Variants in ZCCHC14 observed in about 807,000 individuals in gnomAD.
ZCCHC14 encodes zinc finger CCHC-type containing 14.
ZCCHC14 carries 16 observed loss-of-function variants against 85.0 expected under a neutral mutation model. The observed-to-expected ratio is 0.19, with a 90% CI of 0.13 to 0.29. The LOEUF (loss-of-function observed/expected upper bound fraction) is 0.29, where lower values mean the gene tolerates loss of function less well. ZCCHC14 is among the 10% of genes least tolerant of loss of function. The pLI is 1.00. For missense variants in ZCCHC14, 1,303 were observed against 1,443.5 expected, an observed-to-expected ratio of 0.90 and a Z score of 1.58; for synonymous variants, 775 against 630.7, an observed-to-expected ratio of 1.23 and a Z score of -3.43.
chr16:87,423,614 G>A (rs1909217067), intron 4 of ZCCHC14, among the ~76,000 whole-genome samples, 196 bp downstream of exon 4: 1 of 152,212 alleles, frequency 6.6e-6, no homozygotes, highest in African/African-American at 2.4e-5. Flanking sequence ...CATCCGCGGG[G>A]TCACGGACCT....
In ZCCHC14 at chr16:87,458,783, A is replaced by T. The variant is rs1911105890; in HGVS notation, c.694+1225T>A. 3.3e-5 allele frequency among the ~76,000 whole-genome samples: 5 copies of T among 152,294 alleles called. No homozygotes were observed. In the South Asian group the frequency reaches 1.0e-3, roughly 32 times the overall value. ...TCACGTGGCGCACCTGCTAGGAGAC[A>T]AACATCTTTGTAAATAACACAGGGA... On this transcript the variant is annotated intron_variant, in intron 2 of 12. Transcript: ENST00000671377.
rs1320780525 is a variant in ZCCHC14, at chr16:87,492,816, G to C, written c.-578C>G. ...CGCGGCCGCGAAACGGACGCTGGAG[G>C]GGGAGGGACGCGCGGCGGGAGGCGC... is the stretch of plus-strand genomic sequence containing the variant. On this transcript the variant is annotated 5_prime_UTR_variant, in exon 1 of 13. Transcript: ENST00000671377. This position sits in a 1 kb window ranked among gnomAD's most constrained non-coding sequence, Gnocchi z 6.7. Among the ~76,000 whole-genome samples the C allele has an allele frequency of 2.0e-5, 3 of 147,664 alleles. No homozygotes were observed. The highest frequency in any genetic ancestry group is 6.7e-5 in the Admixed American group (1 of 14,890).
chr16:87,454,707 T>G (rs1380667650), intron 2 of ZCCHC14, among the ~76,000 whole-genome samples: 1 of 152,244 alleles, frequency 6.6e-6, no homozygotes, highest in Non-Finnish European at 1.5e-5. Context: ...GTAAATAGTA[T>G]GGATAATATA....
rs562380431 is a variant in ZCCHC14 at position 87,412,702 on chromosome 16, T to C, written c.2019A>G (p.Leu673=). The C allele has an allele frequency of 3.9e-5, 63 of 1,614,174 alleles. No individual in the cohort carries two copies. The South Asian group carries it at 4.9e-4, about 13-fold the overall frequency. ...LSSSVHSLLS[L]EERNKGSGPR... is the part of the protein sequence containing the mutation. Reference sequence around the variant, plus strand: ...GTCCAGATCCTTTATTCCTTTCTTCTAGAGACAAAAGTGAGTGCACAGAAG... The same window carrying C: ...GTCCAGATCCTTTATTCCTTTCTTCCAGAGACAAAAGTGAGTGCACAGAAG... Residue 673 remains leucine, a synonymous_variant, in exon 12 of 13, where the codon CTA becomes CTG. Coordinates refer to ENST00000671377, the MANE Select transcript of ZCCHC14 (RefSeq NM_015144.3).
chr16:87,488,080 A>C (rs188314816), intron 1 of ZCCHC14, among the ~76,000 whole-genome samples: 27 of 152,178 alleles, frequency 1.8e-4, no homozygotes, highest in African/African-American at 6.3e-4. Context: ...TATACTAAAA[A>C]CCACTGACTT....
chr16:87,460,672 A>G (rs1174304859), intron 1 of ZCCHC14, among the ~76,000 whole-genome samples: 1 of 152,196 alleles, frequency 6.6e-6, no homozygotes, highest in Non-Finnish European at 1.5e-5. Context: ...CCTGGGCAAC[A>G]GAGTAAGGCT....
Position 87,420,893 on chromosome 16 carries a change from T to C in ZCCHC14, c.841-177A>G, listed in dbSNP as rs1451725367. Among the ~76,000 whole-genome samples the C allele has an allele frequency of 1.3e-5, 2 of 152,180 alleles. No individual in the cohort carries two copies. Among genetic ancestry groups the C allele is most frequent in the Non-Finnish European group, 2.9e-5 (2 of 68,034 alleles). ...CCACATCCACTTAGGGTGTAGAAAG[T>C]CACAAAAGAACATCGCTCTCACAGT... On this transcript the variant is annotated intron_variant, in intron 4 of 12. Transcript: ENST00000671377. This position sits in a 1 kb window ranked among gnomAD's most constrained non-coding sequence, Gnocchi z 5.0.
At chr16:87,447,337 G>C (rs11117272) in intron 2 of ZCCHC14, among the ~76,000 whole-genome samples, 22,765 of 151,920 alleles carry the variant, frequency 0.15, 2,214 homozygotes, top group East Asian at 0.45. Context: ...AATTTACATA[G>C]AGCAAAATGC....
chr16:87,428,470 AACTT>A (rs1443261672), intron 3 of ZCCHC14, among the ~76,000 whole-genome samples: 7 of 152,262 alleles, frequency 4.6e-5, no homozygotes, highest in Admixed American at 4.6e-4. Context: ...TACAAAGGAC[AACTT>A]ACTTAAAGGA....
intron 2 of ZCCHC14, among the ~76,000 whole-genome samples, chr16:87,447,382 T>C (rs893765916): frequency 3.9e-5 from 6 of 152,132 alleles, no homozygotes; most frequent in African/African-American, 1.4e-4. Flanking sequence ...TGAGTTTGGG[T>C]ACATTTATAT....
intron 1 of ZCCHC14, chr16:87,472,719 C>T (rs984799020): frequency 6.6e-6 from 1 of 152,200 alleles, no homozygotes; most frequent in Non-Finnish European, 1.5e-5. Flanking sequence ...GGTTCCTTCC[C>T]CCTCAAGAAA....
In ZCCHC14 at chr16:87,412,706, G is replaced by A. The variant is rs1908535259; in HGVS notation, c.2015C>T (p.Ser672Phe). 4.3e-6 allele frequency: 7 copies of A among 1,614,230 alleles called. No individual in the cohort carries two copies. Among genetic ancestry groups the A allele is most frequent in the Non-Finnish European group, 5.9e-6 (7 of 1,180,044 alleles). The change falls in exon 12 of 13, where the codon TCT becomes TTT. Residue 672 changes from serine to phenylalanine, a missense_variant. Physicochemically the swap from Ser to Phe is radical, Grantham distance 155. This residue lies in a region of ZCCHC14 where 797 missense variants were observed against 730.8 expected (regional missense o/e 1.09). Coordinates refer to ENST00000671377, the MANE Select transcript of ZCCHC14 (RefSeq NM_015144.3). Reference sequence around the variant, plus strand: ...AGATCCTTTATTCCTTTCTTCTAGAGACAAAAGTGAGTGCACAGAAGACGA... The same window carrying A: ...AGATCCTTTATTCCTTTCTTCTAGAAACAAAAGTGAGTGCACAGAAGACGA... ...LLSSSVHSLL[S>F]LEERNKGSGP...
rs117942556 is a variant in ZCCHC14 at position 87,464,866 on chromosome 16, G to C, written c.571-4735C>G. 3.0e-3 allele frequency among the ~76,000 whole-genome samples: 462 copies of C among 152,298 alleles called. 4 individuals carry two copies. Among genetic ancestry groups the C allele is most frequent in the Non-Finnish European group, 4.8e-3 (324 of 68,028 alleles). On this transcript the variant is annotated intron_variant, in intron 1 of 12. Transcript: ENST00000671377. ...TTCCACTCAAGTGCTCTCTGACTCAGGCTCACCCGCAGGACTCGTCATCTG... is the reference window on the plus strand; with the variant it reads ...TTCCACTCAAGTGCTCTCTGACTCACGCTCACCCGCAGGACTCGTCATCTG...
intron 2 of ZCCHC14, among the ~76,000 whole-genome samples, chr16:87,443,656 G>T (rs1475872946): frequency 6.6e-6 from 1 of 152,198 alleles, no homozygotes; most frequent in Non-Finnish European, 1.5e-5. Context: ...GGGATCCCTT[G>T]AGCCCAGGAG....
intron 4 of ZCCHC14, among the ~76,000 whole-genome samples, chr16:87,421,221 C>T (rs1909079150): frequency 6.6e-6 from 1 of 152,166 alleles, no homozygotes; most frequent in African/African-American, 2.4e-5. Context: ...CACCTGGGGA[C>T]CGGGCACCAG....
In ZCCHC14 at chr16:87,446,753, G is replaced by C. The variant is rs555481636; in HGVS notation, c.694+13255C>G. The stretch of plus-strand genomic sequence containing the variant: ...CACCCAGGCTGGAGTGCAGTGACGC[G>C]ATCTTGGCTCACTGCAACCTCCACC... On this transcript the variant is annotated intron_variant, in intron 2 of 12. Transcript: ENST00000671377. 6.6e-5 allele frequency among the ~76,000 whole-genome samples: 10 copies of C among 151,992 alleles called. No individual in the cohort carries two copies. The South Asian group carries it at 2.1e-3, about 32-fold the overall frequency.
intron 1 of ZCCHC14, chr16:87,473,462 C>T (rs779256921): frequency 8.5e-5 from 13 of 152,374 alleles, no homozygotes; most frequent in Non-Finnish European, 1.2e-4. Context: ...CTTGGCCTCC[C>T]AAAGTGCTGG....
At chr16:87,411,096 C>T (rs943079832) in intron 12 of ZCCHC14, among the ~76,000 whole-genome samples, 2 of 152,236 alleles carry the variant, frequency 1.3e-5, no homozygotes, top group African/African-American at 4.8e-5. Flanking sequence ...GCCCCCCACA[C>T]CCACAGCCGC....
At chr16:87,419,903 C>A in intron 5 of ZCCHC14, 26 bp from the exon 6 acceptor site, 1 of 1,567,964 alleles carries the variant, frequency 6.4e-7, no homozygotes, top group East Asian at 2.3e-5. Flanking sequence ...GTGGTCTTAT[C>A]AACATTAAAA....
Sources: allele counts gnomAD v4.1 joint callset (sites outside exome capture counted in the v4.1 genomes callset), GRCh38; gene constraint gnomAD v4.1.1; regional missense constraint gnomAD v4.1.1; non-coding constraint Gnocchi (gnomAD v3.1); transcripts MANE v1.5; gene names NCBI Gene and HGNC (gene_info 2026-07-23, HGNC 2026-07-21).